PGBD2: variants seen among roughly 807,000 people sequenced by gnomAD.
PGBD2 encodes the protein piggyBac transposable element-derived protein 2.
A neutral mutation model predicts 8.1 loss-of-function variants in PGBD2; 6 were observed. The ratio of observed to expected loss-of-function variants is 0.74; its 90% confidence interval spans 0.40 to 1.46. PGBD2 has a LOEUF of 1.46. Ranked by LOEUF, PGBD2 falls within the 40% of genes most tolerant of loss-of-function variation. The pLI is 0.02. For missense variants in PGBD2, 802 were observed against 739.0 expected, an observed-to-expected ratio of 1.09 and a Z score of -0.99; for synonymous variants, 318 against 272.2, an observed-to-expected ratio of 1.17 and a Z score of -1.66.
downstream of PGBD2, chr1:248,919,205 C>A (rs966128834): frequency 6.0e-6 from 1 of 166,856 alleles, no homozygotes; most frequent in Admixed American, 6.6e-5. Context: ...TTTTTCATAC[C>A]CATTAACTAT....
chr1:248,896,098 T>C, the PGBD2 span, among the ~76,000 whole-genome samples: 1 of 152,112 alleles, frequency 6.6e-6, no homozygotes, highest in African/African-American at 2.4e-5. Context: ...AGCTCCCTTA[T>C]AAGTGAGAGC....
downstream of PGBD2, among the ~76,000 whole-genome samples, chr1:248,924,603 A>C (rs187355378): frequency 2.6e-3 from 394 of 152,358 alleles, no homozygotes; most frequent in African/African-American, 8.2e-3. Flanking sequence ...AATGTTTGTG[A>C]ATTTCCCATG....
chr1:248,918,378 C>G lies in PGBD2; in HGVS notation c.*15C>G, dbSNP rs764335525. On this transcript the variant is annotated 3_prime_UTR_variant, in exon 3 of 3. Transcript: ENST00000329291. ...ACATCCGGTGACATCATGAGACATG[C>G]TTCTTTGGTTTATAATGAGATGTTT... 6.6e-7 allele frequency: 1 copy of G among 1,523,280 alleles called. No homozygotes were observed. Among genetic ancestry groups the G allele is most frequent in the African/African-American group, 1.4e-5 (1 of 71,898 alleles). The allele number at this position is 1,523,280 out of a possible 1,614,324, so 94.4% of individuals were successfully genotyped here.
At chr1:248,890,738 C>G in the PGBD2 span, among the ~76,000 whole-genome samples, 4 of 151,026 alleles carry the variant, frequency 2.6e-5, no homozygotes, top group African/African-American at 7.3e-5. Context: ...TACAGACCAC[C>G]CACACTACAC....
At chr1:248,904,028 A>C (rs959364631), upstream of PGBD2, among the ~76,000 whole-genome samples, 1 of 152,084 alleles carries the variant, frequency 6.6e-6, no homozygotes, top group African/African-American at 2.4e-5. Flanking sequence ...AAATAAATTA[A>C]TAAATATATA....
At chr1:248,902,904 T>C (rs1336830043), upstream of PGBD2, among the ~76,000 whole-genome samples, 2 of 152,126 alleles carry the variant, frequency 1.3e-5, no homozygotes, top group Admixed American at 6.5e-5. Context: ...AGCTAATGCT[T>C]GTTAAGCTTA....
At position 248,916,992 on chromosome 1, in the gene PGBD2, C is replaced by T; in HGVS notation, c.408C>T (p.Ser136=). 1 of 1,613,128 alleles carries T rather than the reference C, an allele frequency of 6.2e-7. No individual in the cohort carries two copies. The highest frequency in any genetic ancestry group is 8.5e-7 in the Non-Finnish European group (1 of 1,179,808). ...ASDPHIEDLK[S]QELSPVGLFE... ...ATCCTCATATTGAGGATCTGAAAAG[C>T]CAAGAGCTGAGTCCCGTGGGCCTTT... Residue 136 remains serine (S), a synonymous_variant, in exon 3 of 3, where the codon AGC becomes AGT. Transcript: ENST00000329291.
the PGBD2 span, among the ~76,000 whole-genome samples, chr1:248,900,595 A>C: frequency 2.2e-4 from 33 of 152,210 alleles, no homozygotes; most frequent in Non-Finnish European, 3.8e-4. Flanking sequence ...AATACCTCAA[A>C]ATAATAAGAG....
chr1:248,888,153 A>T, the PGBD2 span, among the ~76,000 whole-genome samples: 1 of 152,308 alleles, frequency 6.6e-6, no homozygotes, highest in Non-Finnish European at 1.5e-5. Context: ...TCTTAATGCA[A>T]TCCACCGTGG....
the PGBD2 span, among the ~76,000 whole-genome samples, chr1:248,885,467 G>A: frequency 6.6e-6 from 1 of 151,910 alleles, no homozygotes; most frequent in Non-Finnish European, 1.5e-5. Context: ...GTTTACATTT[G>A]TTACATCAGG....
chr1:248,917,500 T>G lies in PGBD2; in HGVS notation c.916T>G (p.Leu306Val). 6.2e-7 allele frequency: 1 copy of G among 1,614,132 alleles called. No individual in the cohort carries two copies. The highest frequency in any genetic ancestry group is 1.3e-5 in the African/African-American group (1 of 75,034). The change falls in exon 3 of 3, where the codon TTG (leucine) becomes GTG (valine). Residue 306 changes from leucine to valine, a missense_variant. Coordinates refer to ENST00000329291, the MANE Select transcript of PGBD2 (RefSeq NM_170725.3). ...IWCGTTSRGY[L>V]VWFEPSQGTL... ...GTGTGGGACAACCAGCAGAGGCTACTTGGTGTGGTTTGAGCCCTCACAGGG... is the reference window on the plus strand; with the variant it reads ...GTGTGGGACAACCAGCAGAGGCTACGTGGTGTGGTTTGAGCCCTCACAGGG...
downstream of PGBD2, chr1:248,919,387 G>C (rs1208389198): frequency 6.0e-6 from 1 of 166,564 alleles, no homozygotes; most frequent in Non-Finnish European, 1.5e-5. Context: ...ATGACCTCCA[G>C]TTCCATTCAT....
At chr1:248,905,162 T>C (rs1201156810), upstream of PGBD2, among the ~76,000 whole-genome samples, 1 of 152,216 alleles carries the variant, frequency 6.6e-6, no homozygotes, top group Non-Finnish European at 1.5e-5. Flanking sequence ...TGCCCTTCAC[T>C]TCAGAATCTC....
downstream of PGBD2, among the ~76,000 whole-genome samples, chr1:248,922,050 CTTTTCTT>C (rs1441100133): frequency 6.7e-6 from 1 of 148,416 alleles, no homozygotes; most frequent in Non-Finnish European, 1.5e-5. Context: ...ATGGGGTTTT[CTTTTCTT>C]TTTTCTTTTT....
chr1:248,904,769 C>T (rs1164065464), upstream of PGBD2, among the ~76,000 whole-genome samples: 2 of 152,194 alleles, frequency 1.3e-5, no homozygotes, highest in Admixed American at 6.5e-5. Flanking sequence ...CACTTACCAA[C>T]CTTCCCTGAC....
chr1:248,912,800 ATT>A (rs749233440), intron 1 of PGBD2: 2,759 of 128,030 alleles, frequency 0.022, 94 homozygotes, highest in African/African-American at 0.078. Flanking sequence ...GAGCGCTCAG[ATT>A]TTTTTTTTTT....
rs765163843 is a variant in PGBD2, at chr1:248,917,688, G to A, written c.1104G>A (p.Val368=). The A allele has an allele frequency of 6.2e-7, 1 of 1,614,214 alleles. No individual in the cohort carries two copies. Among genetic ancestry groups the A allele is most frequent in the Non-Finnish European group, 8.5e-7 (1 of 1,180,036 alleles). ...KLMSILRKKG[V]KATGTVREYR... is the part of the protein sequence containing the mutation. ...TGTCCATTTTGAGGAAAAAGGGGGT[G>A]AAAGCCACAGGAACTGTTCGTGAGT... Residue 368 remains valine (V), a synonymous_variant, in exon 3 of 3, where the codon GTG becomes GTA. Coordinates refer to ENST00000329291, the MANE Select transcript of PGBD2 (RefSeq NM_170725.3).
At chr1:248,894,410 T>C in the PGBD2 span, among the ~76,000 whole-genome samples, 1 of 152,192 alleles carries the variant, frequency 6.6e-6, no homozygotes, top group Admixed American at 6.5e-5. Context: ...ACTTACGTTT[T>C]AGTGGTTAAT....
At chr1:248,884,641 G>A in the PGBD2 span, among the ~76,000 whole-genome samples, 8 of 152,266 alleles carry the variant, frequency 5.3e-5, no homozygotes, top group South Asian at 1.2e-3. Flanking sequence ...AGAGTTACAG[G>A]CAAAGACAAA....
Sources: allele counts gnomAD v4.1 joint callset (sites outside exome capture counted in the v4.1 genomes callset), GRCh38; gene constraint gnomAD v4.1.1; transcripts MANE v1.5; gene names NCBI Gene and HGNC (gene_info 2026-07-23, HGNC 2026-07-21).